The following ASPG variants were observed in gnomAD, a reference collection of about 807,000 sequenced individuals.
ASPG encodes the protein asparaginase.
Under a neutral mutation model 63.2 loss-of-function variants are expected in ASPG, and 53 were observed. The observed-to-expected ratio is 0.84, with a 90% CI of 0.67 to 1.05. ASPG has a LOEUF of 1.05. Among genes scored for constraint, ASPG ranks in the 50% least tolerant of loss-of-function variants. The probability of loss-of-function intolerance (pLI) is 0.00; values close to 1 mark genes in which losing one functional copy is unlikely to be tolerated. For synonymous variants in ASPG, 370 were observed against 355.0 expected (o/e 1.04, Z -0.48); for missense variants, 741 against 794.4 (o/e 0.93, Z 0.81).
chr14:104,104,776 C>T, intron 9 of ASPG, 41 bp downstream of exon 9: 1 of 1,509,212 alleles, frequency 6.6e-7, no homozygotes, highest in Non-Finnish European at 9.0e-7. Flanking sequence ...TCGGTGTGCA[C>T]AAGCATGTCA....
intron 6 of ASPG, among the ~76,000 whole-genome samples, chr14:104,103,147 G>T (rs1336193913): frequency 6.6e-6 from 1 of 152,248 alleles, no homozygotes; most frequent in Non-Finnish European, 1.5e-5. Context: ...CCCCAGCTGG[G>T]CATGCCTGCC....
intron 3 of ASPG, among the ~76,000 whole-genome samples, chr14:104,094,291 C>T (rs888423309): frequency 3.3e-5 from 5 of 152,168 alleles, no homozygotes; most frequent in Admixed American, 6.5e-5. Flanking sequence ...GCTCCTTGTG[C>T]GTGGCTGGTG....
At chr14:104,097,187 G>A (rs1045832531) in intron 4 of ASPG, among the ~76,000 whole-genome samples, 1 of 152,192 alleles carries the variant, frequency 6.6e-6, no homozygotes, top group South Asian at 2.1e-4. Context: ...TGCCAGCACT[G>A]GGCTCTTGGA....
At position 104,091,026 on chromosome 14, in the gene ASPG, C is replaced by T. The variant is rs1443651961; in HGVS notation, c.83-1607C>T. The stretch of plus-strand genomic sequence containing the variant: ...GATTACAGGCACCTGCCATCATGAC[C>T]AGTTAATTTTTGTATTATTCGTAAA... On this transcript the variant is annotated intron_variant, in intron 1 of 15. Coordinates refer to ENST00000551177, the MANE Select transcript of ASPG (RefSeq NM_001080464.3). This position sits in a 1 kb window ranked among gnomAD's most constrained non-coding sequence, Gnocchi z 6.4. Among the ~76,000 whole-genome samples the T allele has an allele frequency of 6.6e-6, 1 of 152,078 alleles. No individual in the cohort carries two copies. Among genetic ancestry groups the T allele is most frequent in the African/African-American group, 2.4e-5 (1 of 41,404 alleles).
rs1438288854 is a variant in ASPG, at chr14:104,092,741, C to T, written c.191C>T (p.Pro64Leu). 5.9e-6 allele frequency: 9 copies of T among 1,535,336 alleles called. No individual in the cohort carries two copies. The highest frequency in any genetic ancestry group is 7.9e-6 in the Non-Finnish European group (9 of 1,146,344). The change falls in exon 2 of 16, where the codon CCC becomes CTC. Residue 64 changes from proline (P) to leucine (L), a missense_variant and splice_region_variant. Pro to Leu is a moderately conservative substitution (Grantham distance 98). Coordinates refer to ENST00000551177, the MANE Select transcript of ASPG (RefSeq NM_001080464.3). ...RGLSEDTLVL[P>L]PASRNQRILY... ...CTCTCTGAGGACACCCTGGTGCTAC[C>T]GTGAGTGTGGGCTCCTCCCAGTCCC...
At chr14:104,106,454 T>G (rs1234170230) in intron 10 of ASPG, among the ~76,000 whole-genome samples, 1 of 152,112 alleles carries the variant, frequency 6.6e-6, no homozygotes, top group African/African-American at 2.4e-5. Flanking sequence ...TCTCCTTATG[T>G]GGGTGACCAT....
chr14:104,090,000 A>G (rs2036323069), intron 1 of ASPG, among the ~76,000 whole-genome samples: 1 of 151,942 alleles, frequency 6.6e-6, no homozygotes, highest in African/African-American at 2.4e-5. Flanking sequence ...AAAAAGAAAA[A>G]AGAAAGAAAT....
chr14:104,112,078 GT>G, intron 15 of ASPG, 78 bp downstream of exon 15: 2 of 1,344,442 alleles, frequency 1.5e-6, no homozygotes, highest in Non-Finnish European at 2.0e-6. Context: ...TCGGGGGGGC[GT>G]AATCAAGGGG....
rs576765027 is a variant in ASPG, at chr14:104,095,745, C to T, written c.429+89C>T. The T allele has an allele frequency of 1.3e-4, 194 of 1,539,002 alleles. 1 individual carries two copies. The highest frequency in any genetic ancestry group is 4.8e-4 in the South Asian group (42 of 87,784). On this transcript the variant is annotated intron_variant, in intron 4 of 15. Coordinates refer to ENST00000551177, the MANE Select transcript of ASPG (RefSeq NM_001080464.3). Reference sequence around the variant, plus strand: ...GCTGTGGGCGGCCGCTGCGGGACCCCGGGCTTCCTGCTCAGCCCAGCAGCT... The same window carrying T: ...GCTGTGGGCGGCCGCTGCGGGACCCTGGGCTTCCTGCTCAGCCCAGCAGCT...
Position 104,112,568 on chromosome 14 carries a change from T to G in ASPG, c.*24T>G. 6.2e-7 allele frequency: 1 copy of G among 1,609,700 alleles called. No individual in the cohort carries two copies. Among genetic ancestry groups the G allele is most frequent in the Non-Finnish European group, 8.5e-7 (1 of 1,178,508 alleles). On this transcript the variant is annotated 3_prime_UTR_variant, in exon 16 of 16. Transcript: ENST00000551177. The stretch of plus-strand genomic sequence containing the variant: ...AACCTGAAGGCGTCCTGCTGCAGTA[T>G]AAGCCATTCCTTCCTCCCATGACCT...
At chr14:104,102,087 C>T (rs1256994840) in intron 6 of ASPG, among the ~76,000 whole-genome samples, 2 of 152,082 alleles carry the variant, frequency 1.3e-5, no homozygotes, top group Non-Finnish European at 2.9e-5. Flanking sequence ...TCTGTGTAGC[C>T]CCCTCTCAGC....
chr14:104,103,047 C>T (rs947930137), intron 6 of ASPG, among the ~76,000 whole-genome samples: 1 of 152,228 alleles, frequency 6.6e-6, no homozygotes. Context: ...GCAGTGGGCA[C>T]AGTGGGTGCC....
intron 12 of ASPG, among the ~76,000 whole-genome samples, chr14:104,107,594 G>C (rs1319177263): frequency 6.6e-6 from 1 of 152,212 alleles, no homozygotes; most frequent in African/African-American, 2.4e-5. Context: ...GGGGGGCTGG[G>C]GTGGAGGTGG....
intron 3 of ASPG, among the ~76,000 whole-genome samples, chr14:104,094,214 T>C (rs2036494928): frequency 6.6e-6 from 1 of 151,950 alleles, no homozygotes; most frequent in African/African-American, 2.4e-5. Flanking sequence ...AACAGTTGTC[T>C]TAGCCTGTCC....
chr14:104,089,860 ATTGC>A lies in ASPG; in HGVS notation c.83-2769_83-2766del, dbSNP rs2036316093. Among the ~76,000 whole-genome samples the A allele has an allele frequency of 2.1e-5, 3 of 141,100 alleles. No homozygotes were observed. The South Asian group carries it at 7.5e-4, about 35-fold the overall frequency. 92.6% of individuals were successfully genotyped at this position (141,100 alleles called of 152,430 possible). On this transcript the variant is annotated intron_variant, in intron 1 of 15. Transcript: ENST00000551177. ...CTACTCGGGAGGCTAAGGCAGGAGA[ATTGC>A]TTGAGCCGGGTGGGTGGAGGTTGCA...
chr14:104,088,709 G>T (rs532141663), intron 1 of ASPG, among the ~76,000 whole-genome samples: 83 of 152,252 alleles, frequency 5.5e-4, no homozygotes, highest in African/African-American at 1.9e-3. Flanking sequence ...CCCTTGGCCT[G>T]GACCTCCTTC....
At chr14:104,111,731 T>C (rs1195327813) in intron 14 of ASPG, 130 bp downstream of exon 14, 1 of 887,750 alleles carries the variant, frequency 1.1e-6, no homozygotes, top group Non-Finnish European at 1.7e-6. Flanking sequence ...GCCCTCCCCA[T>C]GCAGGACCCG....
intron 10 of ASPG, among the ~76,000 whole-genome samples, chr14:104,106,596 C>T (rs537727361): frequency 2.2e-4 from 33 of 152,132 alleles, no homozygotes; most frequent in Admixed American, 4.6e-4. Context: ...GGAAGGGGTC[C>T]TAGGTGGGCC....
intron 6 of ASPG, among the ~76,000 whole-genome samples, chr14:104,101,251 G>A (rs921081016): frequency 1.3e-5 from 2 of 152,218 alleles, no homozygotes; most frequent in East Asian, 1.9e-4. Flanking sequence ...TGGCTGCTGG[G>A]GCCCCTGGGG....
Sources: allele counts gnomAD v4.1 joint callset (sites outside exome capture counted in the v4.1 genomes callset), GRCh38; gene constraint gnomAD v4.1.1; non-coding constraint Gnocchi (gnomAD v3.1); transcripts MANE v1.5; gene names NCBI Gene and HGNC (gene_info 2026-07-23, HGNC 2026-07-21).